The following FAM210B variants were observed in gnomAD, a reference collection of about 807,000 sequenced individuals.
FAM210B encodes the protein mitochondrial inner membrane scaffold 2.
In FAM210B, 11 loss-of-function variants were observed where a neutral mutation model predicts 14.9. That is an observed-to-expected ratio of 0.74 (90% confidence interval 0.46 to 1.22). The LOEUF is 1.22. FAM210B is among the 50% of genes most tolerant of loss of function. The pLI is 0.00. For synonymous variants in FAM210B, 113 were observed against 110.2 expected (o/e 1.03, Z -0.16); for missense variants, 229 against 250.1 (o/e 0.92, Z 0.57).
chr20:56,368,105 T>C lies in FAM210B; in HGVS notation c.*1818T>C, dbSNP rs1983684501. Reference sequence around the variant, plus strand: ...GGTCTTTCAGGTAGAACTCTTCTTTTAAGGCAATTAGCCCATTGCCAAAAG... The same window carrying C: ...GGTCTTTCAGGTAGAACTCTTCTTTCAAGGCAATTAGCCCATTGCCAAAAG... On this transcript the variant is annotated 3_prime_UTR_variant, in exon 3 of 3. Transcript: ENST00000371384. The C allele has an allele frequency of 6.6e-6, 1 of 152,636 alleles. No homozygotes were observed. Among genetic ancestry groups the C allele is most frequent in the Non-Finnish European group, 1.5e-5 (1 of 68,030 alleles). 9.5% of individuals were successfully genotyped at this position (152,636 alleles called of 1,614,324 possible).
rs574854811 is a variant in FAM210B, at chr20:56,360,178, C to T, written c.186+987C>T. ...AGATCAACTTCCTTCCTTGCCTTCT[C>T]CAGTCCGACAGGTGGCACACAGGTC... On this transcript the variant is annotated intron_variant, in intron 1 of 2. Coordinates refer to ENST00000371384, the MANE Select transcript of FAM210B (RefSeq NM_080821.3). 90 of 470,574 alleles carry T rather than the reference C, an allele frequency of 1.9e-4. 3 individuals are homozygous for T. Among genetic ancestry groups the T allele is most frequent in the South Asian group, 1.4e-3 (90 of 64,572 alleles). The allele number at this position is 470,574 out of a possible 1,614,324, so 29.1% of individuals were successfully genotyped here.
intron 1 of FAM210B, chr20:56,360,853 G>A (rs1282138331): frequency 6.5e-6 from 1 of 152,924 alleles, no homozygotes; most frequent in Non-Finnish European, 1.5e-5. Flanking sequence ...CCTGGGAGCA[G>A]TGCAGGGAGG....
Position 56,359,289 on chromosome 20 carries a change from T to G in FAM210B, c.186+98T>G. ...TCCGGCCGCCTCCGCCAAGGACGCC[T>G]TTGCACTTGTAGCTGCCCGGGACCG... On this transcript the variant is annotated intron_variant, in intron 1 of 2. Transcript: ENST00000371384. This position sits in a 1 kb window ranked among gnomAD's most constrained non-coding sequence, Gnocchi z 4.3. 8.7e-7 allele frequency: 1 copy of G among 1,148,598 alleles called. No individual in the cohort carries two copies. The highest frequency in any genetic ancestry group is 1.1e-6 in the Non-Finnish European group (1 of 921,796). 71.2% of individuals were successfully genotyped at this position (1,148,598 alleles called of 1,614,324 possible). A position where few individuals can be genotyped will look rare whatever the true frequency, so the allele number is the denominator to read the frequency against.
chr20:56,359,152 G>A lies in FAM210B; in HGVS notation c.147G>A (p.Arg49=). The A allele has an allele frequency of 8.0e-7, 1 of 1,251,050 alleles. No individual in the cohort carries two copies. The highest frequency in any genetic ancestry group is 3.6e-5 in the South Asian group (1 of 27,586). The allele number at this position is 1,251,050 out of a possible 1,614,324, so 77.5% of individuals were successfully genotyped here. A position where few individuals can be genotyped will look rare whatever the true frequency, so the allele number is the denominator to read the frequency against. Residue 49 remains arginine, a synonymous_variant, in exon 1 of 3, where the codon CGG becomes CGA. Coordinates refer to ENST00000371384, the MANE Select transcript of FAM210B (RefSeq NM_080821.3). The surrounding 1 kb of genome is among the most constrained non-coding windows in gnomAD (Gnocchi z 4.3). ...TGCTCCCGCCCAGGCTAGACGCCCG[G>A]CTGCTCCGCACGGCGCGCGGGGACT... ...LALLPPRLDA[R]LLRTARGDCR...
intron 1 of FAM210B, 111 bp from the exon 2 acceptor site, chr20:56,364,976 C>A: frequency 2.8e-6 from 3 of 1,057,478 alleles, no homozygotes; most frequent in Non-Finnish European, 4.0e-6. Flanking sequence ...AAAGGGGTAA[C>A]TGATCTCTCA....
In FAM210B at chr20:56,362,897, G is replaced by A. The variant is rs1270686549; in HGVS notation, c.187-2190G>A. ...GGGGCCAGGTGTCAAGGGCATGGGT[G>A]TTTGGCCCTGCGAGGGGCTGTAGGT... On this transcript the variant is annotated intron_variant, in intron 1 of 2. Coordinates refer to ENST00000371384, the MANE Select transcript of FAM210B (RefSeq NM_080821.3). This position sits in a 1 kb window ranked among gnomAD's most constrained non-coding sequence, Gnocchi z 4.8. Among the ~76,000 whole-genome samples, 1 of 152,260 alleles carries A rather than the reference G, an allele frequency of 6.6e-6. No homozygotes were observed. Among genetic ancestry groups the A allele is most frequent in the African/African-American group, 2.4e-5 (1 of 41,474 alleles).
intron 1 of FAM210B, among the ~76,000 whole-genome samples, chr20:56,364,371 C>G (rs552228676): frequency 6.6e-6 from 1 of 152,208 alleles, no homozygotes; most frequent in Non-Finnish European, 1.5e-5. Context: ...ATCTTCAGCT[C>G]TCTCACTCTG....
In FAM210B at chr20:56,362,341, T is replaced by A. The variant is rs201089465; in HGVS notation, c.187-2746T>A. ...AGGGGCATCTCACACACACACTGTC[T>A]CACACACACTCTCACACACATGTGC... On this transcript the variant is annotated intron_variant, in intron 1 of 2. Transcript: ENST00000371384. The surrounding 1 kb of genome is among the most constrained non-coding windows in gnomAD (Gnocchi z 4.8). 2.0e-5 allele frequency among the ~76,000 whole-genome samples: 3 copies of A among 151,724 alleles called. No individual in the cohort carries two copies. In the South Asian group the frequency reaches 6.3e-4, roughly 32 times the overall value.
In FAM210B at chr20:56,363,481, CAG is replaced by C. The variant is rs1313893831; in HGVS notation, c.187-1605_187-1604del. Among the ~76,000 whole-genome samples the C allele has an allele frequency of 6.6e-6, 1 of 152,136 alleles. No individual in the cohort carries two copies. Among genetic ancestry groups the C allele is most frequent in the Non-Finnish European group, 1.5e-5 (1 of 68,014 alleles). ...AAAAATCTTATGCCTCTAAAAATAA[CAG>C]GGTAAAAGTGGGCCAGCTGCAGAGC... is the stretch of plus-strand genomic sequence containing the variant. On this transcript the variant is annotated intron_variant, in intron 1 of 2. Transcript: ENST00000371384. The surrounding 1 kb of genome is among the most constrained non-coding windows in gnomAD (Gnocchi z 4.1).
At chr20:56,366,010 A>T in intron 2 of FAM210B, 61 bp from the exon 3 acceptor site, 1 of 1,317,808 alleles carries the variant, frequency 7.6e-7, no homozygotes, top group Non-Finnish European at 1.1e-6. Context: ...TTATAGCCAA[A>T]TCAATTTCTT....
At chr20:56,361,892 G>A (rs955685870) in intron 1 of FAM210B, among the ~76,000 whole-genome samples, 4 of 152,218 alleles carry the variant, frequency 2.6e-5, no homozygotes, top group Non-Finnish European at 5.9e-5. Context: ...CAGGAGAATC[G>A]CTTGAACCCG....
chr20:56,359,311 A>G lies in FAM210B; in HGVS notation c.186+120A>G. 9.7e-7 allele frequency: 1 copy of G among 1,030,938 alleles called. No homozygotes were observed. Among genetic ancestry groups the G allele is most frequent in the East Asian group, 3.6e-5 (1 of 27,592 alleles). The allele number at this position is 1,030,938 out of a possible 1,614,324, so 63.9% of individuals were successfully genotyped here. A position where few individuals can be genotyped will look rare whatever the true frequency, so the allele number is the denominator to read the frequency against. On this transcript the variant is annotated intron_variant, in intron 1 of 2. Transcript: ENST00000371384. This position sits in a 1 kb window ranked among gnomAD's most constrained non-coding sequence, Gnocchi z 4.3. ...GCCTTTGCACTTGTAGCTGCCCGGG[A>G]CCGAGCTCTTCCAGGGTCCCCGAAA...
In FAM210B at chr20:56,368,395, C is replaced by CA. The variant is rs1983697831; in HGVS notation, c.*2111dup. The CA allele has an allele frequency of 6.6e-6, 1 of 152,292 alleles. No individual in the cohort carries two copies. The highest frequency in any genetic ancestry group is 6.5e-5 in the Admixed American group (1 of 15,274). 9.4% of individuals were successfully genotyped at this position (152,292 alleles called of 1,614,324 possible). A position where few individuals can be genotyped will look rare whatever the true frequency, so the allele number is the denominator to read the frequency against. On this transcript the variant is annotated 3_prime_UTR_variant, in exon 3 of 3. Transcript: ENST00000371384. ...CCTACAGGTTTAAGGGCTTAAATCT[C>CA]AAACTTTGTTAGGAGTAACAGGAGC...
chr20:56,363,178 A>G lies in FAM210B; in HGVS notation c.187-1909A>G, dbSNP rs1315289074. On this transcript the variant is annotated intron_variant, in intron 1 of 2. Transcript: ENST00000371384. The surrounding 1 kb of genome is among the most constrained non-coding windows in gnomAD (Gnocchi z 4.1). The stretch of plus-strand genomic sequence containing the variant: ...TCTGGAAAAGTGTCTTCCTTTAAGA[A>G]TGGTCATTCTGGCAGGACAGGAAAG... Among the ~76,000 whole-genome samples, 1 of 152,158 alleles carries G rather than the reference A, an allele frequency of 6.6e-6. No homozygotes were observed. Among genetic ancestry groups the G allele is most frequent in the East Asian group, 1.9e-4 (1 of 5,196 alleles).
Position 56,358,990 on chromosome 20 carries a change from C to T in FAM210B, c.-16C>T, listed in dbSNP as rs1282320986. On this transcript the variant is annotated 5_prime_UTR_variant, in exon 1 of 3. Coordinates refer to ENST00000371384, the MANE Select transcript of FAM210B (RefSeq NM_080821.3). ...TCCCGGGTCAGCGGCGCGGGTGCTGCGCCTAGCTGCGCACCATGGCCGGGT... is the reference window on the plus strand; with the variant it reads ...TCCCGGGTCAGCGGCGCGGGTGCTGTGCCTAGCTGCGCACCATGGCCGGGT... The T allele has an allele frequency of 3.2e-6, 4 of 1,242,704 alleles. No homozygotes were observed. Among genetic ancestry groups the T allele is most frequent in the Non-Finnish European group, 4.0e-6 (4 of 991,676 alleles). The allele number at this position is 1,242,704 out of a possible 1,614,324, so 77.0% of individuals were successfully genotyped here.
In FAM210B at chr20:56,367,119, A is replaced by C. The variant is rs1404717403; in HGVS notation, c.*832A>C. 1 of 152,576 alleles carries C rather than the reference A, an allele frequency of 6.6e-6. No homozygotes were observed. The allele number at this position is 152,576 out of a possible 1,614,324, so 9.5% of individuals were successfully genotyped here. ...AAACTTCAGACATTCCAGAATTGTC[A>C]TGATGTTTACACTGTCTGAGTTAAA... On this transcript the variant is annotated 3_prime_UTR_variant, in exon 3 of 3. Transcript: ENST00000371384.
chr20:56,364,034 G>T (rs1243985269), intron 1 of FAM210B, among the ~76,000 whole-genome samples: 3 of 152,178 alleles, frequency 2.0e-5, no homozygotes, highest in Non-Finnish European at 4.4e-5. Context: ...GCATGAGGAT[G>T]GAAGGAGAAA....
At chr20:56,365,661 A>G (rs1276443944) in intron 2 of FAM210B, among the ~76,000 whole-genome samples, 3 of 152,120 alleles carry the variant, frequency 2.0e-5, no homozygotes, top group African/African-American at 7.2e-5. Context: ...GCATGCCACC[A>G]AGCCTGGCTA....
chr20:56,365,151 G>T lies in FAM210B; in HGVS notation c.251G>T (p.Ser84Ile), dbSNP rs1029559781. The change falls in exon 2 of 3, where the codon AGC (serine) becomes ATC (isoleucine). Residue 84 changes from serine (S) to isoleucine (I), a missense_variant. Physicochemically the swap from Ser to Ile is moderately radical, Grantham distance 142. Coordinates refer to ENST00000371384, the MANE Select transcript of FAM210B (RefSeq NM_080821.3). ...SVSCTEEKKQ[S>I]KSQQLKKIFQ... ...AGCTGCACAGAGGAGAAAAAGCAAA[G>T]CAAGTCACAGCAACTGAAAAAGATT... The T allele has an allele frequency of 6.2e-7, 1 of 1,614,124 alleles. No homozygotes were observed. Among genetic ancestry groups the T allele is most frequent in the Non-Finnish European group, 8.5e-7 (1 of 1,180,040 alleles).
Sources: allele counts gnomAD v4.1 joint callset (sites outside exome capture counted in the v4.1 genomes callset), GRCh38; gene constraint gnomAD v4.1.1; non-coding constraint Gnocchi (gnomAD v3.1); transcripts MANE v1.5; gene names NCBI Gene and HGNC (gene_info 2026-07-23, HGNC 2026-07-21).